AOAH: variants seen among roughly 807,000 people sequenced by gnomAD.
AOAH encodes the protein acyloxyacyl hydrolase (neutrophil).
In AOAH, 64 loss-of-function variants were observed where a neutral mutation model predicts 92.2. The ratio of observed to expected loss-of-function variants is 0.69; its 90% CI spans 0.57 to 0.86. AOAH has a LOEUF of 0.86. Ranked by LOEUF, AOAH falls within the 40% of genes least tolerant of loss-of-function variation. The pLI is 0.00. For synonymous variants in AOAH, 263 were observed against 254.5 expected, an observed-to-expected ratio of 1.03 and a Z score of -0.32; for missense variants, 656 against 694.6, an observed-to-expected ratio of 0.94 and a Z score of 0.62.
intron 3 of AOAH, among the ~76,000 whole-genome samples, chr7:36,666,312 G>A (rs1466089203): frequency 6.6e-6 from 1 of 151,956 alleles, no homozygotes; most frequent in Non-Finnish European, 1.5e-5. Context: ...ATTTCCTCTA[G>A]ACTATCAAAT....
chr7:36,646,115 G>A (rs1425090703), intron 4 of AOAH, among the ~76,000 whole-genome samples: 5 of 152,150 alleles, frequency 3.3e-5, no homozygotes, highest in Non-Finnish European at 5.9e-5. Context: ...AGTTCTTAAA[G>A]TTCACACCAT....
intron 13 of AOAH, among the ~76,000 whole-genome samples, chr7:36,560,862 T>C (rs1288304827): frequency 1.3e-5 from 2 of 152,204 alleles, no homozygotes; most frequent in East Asian, 3.9e-4. Context: ...CATAGCCATA[T>C]AAATTAGGAG....
chr7:36,658,400 G>A (rs11982625), intron 4 of AOAH, among the ~76,000 whole-genome samples: 2,663 of 151,920 alleles, frequency 0.018, 87 homozygotes, highest in African/African-American at 0.061. Flanking sequence ...TTTTTTTCAC[G>A]GGCAGCTCCT....
At chr7:36,689,622 C>T (rs1389397459) in intron 1 of AOAH, among the ~76,000 whole-genome samples, 1 of 152,022 alleles carries the variant, frequency 6.6e-6, no homozygotes, top group Admixed American at 6.6e-5. Context: ...TGGTAAATAC[C>T]AGTCAAAAGC....
intron 11 of AOAH, among the ~76,000 whole-genome samples, chr7:36,615,634 G>A (rs537902504): frequency 8.3e-4 from 127 of 152,248 alleles, no homozygotes; most frequent in African/African-American, 2.9e-3. Context: ...CCAGGTGTTT[G>A]CACAATTTGA....
intron 13 of AOAH, among the ~76,000 whole-genome samples, chr7:36,567,934 A>C (rs1304907159): frequency 6.6e-6 from 1 of 152,230 alleles, no homozygotes; most frequent in African/African-American, 2.4e-5. Flanking sequence ...TACCCAGCTT[A>C]GGCTTTGCAG....
At chr7:36,558,624 C>G (rs1399679123) in intron 13 of AOAH, among the ~76,000 whole-genome samples, 1 of 152,256 alleles carries the variant, frequency 6.6e-6, no homozygotes, top group Non-Finnish European at 1.5e-5. Flanking sequence ...GTGGTGGGCT[C>G]CACCCAGTTC....
chr7:36,551,293 C>T (rs997494072), intron 13 of AOAH, among the ~76,000 whole-genome samples: 5 of 151,892 alleles, frequency 3.3e-5, no homozygotes, highest in Admixed American at 6.6e-5. Flanking sequence ...AGGCTGGTGT[C>T]GAACTCCTGA....
chr7:36,713,894 C>T (rs905301606), intron 1 of AOAH, among the ~76,000 whole-genome samples: 12 of 152,126 alleles, frequency 7.9e-5, no homozygotes, highest in African/African-American at 1.7e-4. Context: ...AAAATTGACA[C>T]CCTAACATCA....
intron 11 of AOAH, among the ~76,000 whole-genome samples, chr7:36,610,689 C>T (rs1300469466): frequency 6.6e-6 from 1 of 152,124 alleles, no homozygotes; most frequent in Non-Finnish European, 1.5e-5. Context: ...AACAATAAAG[C>T]GTATGCACTC....
chr7:36,618,262 A>G, intron 10 of AOAH, 35 bp downstream of exon 10: 2 of 1,582,362 alleles, frequency 1.3e-6, no homozygotes, highest in South Asian at 1.1e-5. Context: ...AAGAATATCT[A>G]TCATTATAAC....
intron 19 of AOAH, among the ~76,000 whole-genome samples, chr7:36,525,221 G>C (rs1329466896): frequency 6.6e-6 from 1 of 152,200 alleles, no homozygotes; most frequent in Non-Finnish European, 1.5e-5. Context: ...CCATGCCTGA[G>C]ATGGCTAATA....
chr7:36,608,977 T>A (rs1485952593), intron 11 of AOAH, among the ~76,000 whole-genome samples: 2 of 151,758 alleles, frequency 1.3e-5, no homozygotes, highest in African/African-American at 4.8e-5. Flanking sequence ...GGCTCTTTAG[T>A]AGTCTCCAAA....
chr7:36,623,378 G>A, intron 6 of AOAH, 128 bp from the exon 7 acceptor site: 1 of 774,086 alleles, frequency 1.3e-6, no homozygotes, highest in Non-Finnish European at 2.1e-6. Context: ...ATTCTAAACA[G>A]AAAATTAAGA....
intron 16 of AOAH, among the ~76,000 whole-genome samples, chr7:36,535,070 G>A (rs1333907524): frequency 2.7e-5 from 3 of 110,580 alleles, no homozygotes; most frequent in African/African-American, 6.4e-5. Flanking sequence ...GTGTGTATCC[G>A]TGTGTGTCTG....
chr7:36,580,141 A>G (rs1788830295), intron 12 of AOAH, among the ~76,000 whole-genome samples: 1 of 152,108 alleles, frequency 6.6e-6, no homozygotes, highest in African/African-American at 2.4e-5. Flanking sequence ...GAAATTCATG[A>G]TGTTCAGTTT....
intron 5 of AOAH, among the ~76,000 whole-genome samples, chr7:36,636,169 G>A (rs1004446891): frequency 1.3e-5 from 2 of 152,206 alleles, no homozygotes; most frequent in Non-Finnish European, 2.9e-5. Flanking sequence ...AGTTTTTTCA[G>A]ACACACTTAT....
chr7:36,538,718 T>C (rs544480984), intron 16 of AOAH, among the ~76,000 whole-genome samples: 1 of 152,328 alleles, frequency 6.6e-6, no homozygotes, highest in East Asian at 1.9e-4. Flanking sequence ...TTGGTGTCCT[T>C]TCTGCATGCA....
At chr7:36,713,922 G>C (rs373253606) in intron 1 of AOAH, among the ~76,000 whole-genome samples, 1 of 152,076 alleles carries the variant, frequency 6.6e-6, no homozygotes, top group African/African-American at 2.4e-5. Flanking sequence ...AAGAACTAGA[G>C]AAGCAAGAGC....
Sources: gnomAD v4.1 joint callset for allele counts (sites outside exome capture counted in the v4.1 genomes callset) on GRCh38, gnomAD v4.1.1 for gene constraint, MANE v1.5 for transcripts, NCBI Gene and HGNC (gene_info 2026-07-23, HGNC 2026-07-21) for gene names.